Variants in HS3ST5 observed in about 807,000 individuals in gnomAD.
HS3ST5 encodes heparan sulfate-glucosamine 3-sulfotransferase 5.
Under a neutral mutation model 25.4 loss-of-function variants are expected in HS3ST5, and 10 were observed. That is an observed-to-expected ratio of 0.39 (90% CI 0.24 to 0.67). HS3ST5 has a LOEUF of 0.67. Ranked by LOEUF, HS3ST5 falls within the 30% of genes least tolerant of loss-of-function variation. The pLI is 0.44. For missense variants in HS3ST5, 324 were observed against 420.7 expected (o/e 0.77, Z 2.01); for synonymous variants, 170 against 162.4 (o/e 1.05, Z -0.36).
At chr6:114,172,132 G>A (rs962421553) in intron 2 of HS3ST5, among the ~76,000 whole-genome samples, 4 of 152,166 alleles carry the variant, frequency 2.6e-5, no homozygotes, top group Non-Finnish European at 5.9e-5. Flanking sequence ...CTATAAAGCT[G>A]TAAAATCAGA....
chr6:114,100,543 T>A (rs1275681179), intron 3 of HS3ST5, among the ~76,000 whole-genome samples: 1 of 152,182 alleles, frequency 6.6e-6, no homozygotes, highest in Non-Finnish European at 1.5e-5. Context: ...TGCCCAACTA[T>A]TTCTTCCTAT....
chr6:114,243,532 A>C (rs1346395173), intron 1 of HS3ST5, among the ~76,000 whole-genome samples: 2 of 152,188 alleles, frequency 1.3e-5, no homozygotes, highest in African/African-American at 2.4e-5. Context: ...TCTAGGACTT[A>C]AGTGGAATTG....
chr6:114,107,079 T>C (rs925110209), intron 3 of HS3ST5, among the ~76,000 whole-genome samples: 3 of 152,092 alleles, frequency 2.0e-5, no homozygotes, highest in South Asian at 2.1e-4. Context: ...TTACTAAAAT[T>C]GAGTAAGAGA....
At chr6:114,090,404 C>T (rs1775062191) in intron 3 of HS3ST5, among the ~76,000 whole-genome samples, 1 of 152,044 alleles carries the variant, frequency 6.6e-6, no homozygotes, top group African/African-American at 2.4e-5. Flanking sequence ...AAATGAATGT[C>T]ACAAAGATTC....
intron 3 of HS3ST5, among the ~76,000 whole-genome samples, chr6:114,136,705 T>C (rs1582640476): frequency 6.6e-6 from 1 of 152,354 alleles, no homozygotes; most frequent in East Asian, 1.9e-4. Flanking sequence ...TTCAGAATAC[T>C]ATTCAAGGAA....
chr6:114,070,373 T>C (rs1773740404), intron 3 of HS3ST5, among the ~76,000 whole-genome samples: 5 of 151,114 alleles, frequency 3.3e-5, no homozygotes. Context: ...AGGGAGAAAA[T>C]ACTAATAAGT....
chr6:114,071,966 G>A (rs930020589), intron 3 of HS3ST5, among the ~76,000 whole-genome samples: 1 of 152,174 alleles, frequency 6.6e-6, no homozygotes, highest in Non-Finnish European at 1.5e-5. Flanking sequence ...TGTGATAGAA[G>A]TGGGGCAGTG....
intron 1 of HS3ST5, among the ~76,000 whole-genome samples, chr6:114,314,018 C>G (rs753645025): frequency 6.6e-6 from 1 of 152,176 alleles, no homozygotes; most frequent in Non-Finnish European, 1.5e-5. Context: ...CTCTGCCCCC[C>G]AGGCTCGCGT....
intron 3 of HS3ST5, among the ~76,000 whole-genome samples, chr6:114,099,169 C>A (rs1775600504): frequency 6.6e-6 from 1 of 152,084 alleles, no homozygotes; most frequent in African/African-American, 2.4e-5. Context: ...TAGGAATACA[C>A]TAGAGGGTCA....
chr6:114,306,238 C>CAT (rs757321554), intron 1 of HS3ST5, among the ~76,000 whole-genome samples: 8,216 of 111,342 alleles, frequency 0.074, 274 homozygotes, highest in Middle Eastern at 0.14. Context: ...ATGAAATATA[C>CAT]ATATATATAT....
intron 1 of HS3ST5, among the ~76,000 whole-genome samples, chr6:114,272,921 G>T (rs151337334): frequency 6.6e-6 from 1 of 152,144 alleles, no homozygotes; most frequent in East Asian, 1.9e-4. Flanking sequence ...GATACATTCA[G>T]AGACATACGA....
At chr6:114,084,866 T>C in intron 3 of HS3ST5, 1 of 569,148 alleles carries the variant, frequency 1.8e-6, no homozygotes. Flanking sequence ...GGAGTCTCCC[T>C]CTGCTGCCAG....
intron 2 of HS3ST5, among the ~76,000 whole-genome samples, chr6:114,194,580 T>C (rs1189306551): frequency 6.6e-6 from 1 of 152,186 alleles, no homozygotes; most frequent in Non-Finnish European, 1.5e-5. Context: ...GCATTTCTTC[T>C]TGATAAAGGA....
At chr6:114,106,137 T>A (rs1021954679) in intron 3 of HS3ST5, among the ~76,000 whole-genome samples, 2 of 152,050 alleles carry the variant, frequency 1.3e-5, no homozygotes, top group Non-Finnish European at 2.9e-5. Flanking sequence ...GGTAATTTCA[T>A]GAAAAGAAGA....
chr6:114,267,957 A>G (rs991684547), intron 1 of HS3ST5, among the ~76,000 whole-genome samples: 2 of 152,152 alleles, frequency 1.3e-5, no homozygotes, highest in Non-Finnish European at 2.9e-5. Context: ...AAAAAAATCT[A>G]TTTACAAAAT....
At chr6:114,088,888 G>C (rs112989628) in intron 3 of HS3ST5, 23 of 152,248 alleles carry the variant, frequency 1.5e-4, no homozygotes, top group African/African-American at 5.3e-4. Context: ...GAACATTAGG[G>C]CTGGAAGATA....
intron 3 of HS3ST5, among the ~76,000 whole-genome samples, chr6:114,110,945 G>GT (rs1776235791): frequency 6.6e-6 from 1 of 152,114 alleles, no homozygotes; most frequent in Non-Finnish European, 1.5e-5. Flanking sequence ...GAATATCACT[G>GT]TGAAAATTAC....
intron 3 of HS3ST5, among the ~76,000 whole-genome samples, chr6:114,157,935 T>C (rs1778775781): frequency 6.6e-6 from 1 of 152,214 alleles, no homozygotes; most frequent in Non-Finnish European, 1.5e-5. Context: ...TGCTGCCTCC[T>C]CTGCCTATTG....
At chr6:114,069,271 C>T (rs1048888919) in intron 3 of HS3ST5, among the ~76,000 whole-genome samples, 1 of 152,044 alleles carries the variant, frequency 6.6e-6, no homozygotes, top group Non-Finnish European at 1.5e-5. Context: ...ACAGGAACTA[C>T]ATTTATTGAA....
Sources: allele counts gnomAD v4.1 joint callset (sites outside exome capture counted in the v4.1 genomes callset), GRCh38; gene constraint gnomAD v4.1.1; transcripts MANE v1.5; gene names NCBI Gene and HGNC (gene_info 2026-07-23, HGNC 2026-07-21).